The following VIRMA variants were observed in gnomAD, a reference collection of about 807,000 sequenced individuals.
VIRMA encodes vir like m6A methyltransferase associated, also known as protein virilizer homolog.
Under a neutral mutation model 182.4 loss-of-function variants are expected in VIRMA, and 65 were observed. The observed-to-expected ratio is 0.36, with a 90% CI of 0.29 to 0.44. The LOEUF (loss-of-function observed/expected upper bound fraction) is 0.44. VIRMA is among the 20% of genes least tolerant of loss of function. VIRMA has a pLI of 1.00. For missense variants in VIRMA, 1,752 were observed against 2,158.1 expected (o/e 0.81, Z 3.73); for synonymous variants, 709 against 743.1 (o/e 0.95, Z 0.75).
intron 10 of VIRMA, among the ~76,000 whole-genome samples, chr8:94,516,652 A>G (rs936994659): frequency 1.1e-4 from 16 of 152,202 alleles, no homozygotes; most frequent in African/African-American, 3.9e-4. Flanking sequence ...GCTCAAAGAT[A>G]TAAGAAATAA....
Position 94,506,617 on chromosome 8 carries a change from C to A in VIRMA, c.3980G>T (p.Cys1327Phe). The A allele has an allele frequency of 6.2e-7, 1 of 1,613,674 alleles. No individual in the cohort carries two copies. Among genetic ancestry groups the A allele is most frequent in the South Asian group, 1.1e-5 (1 of 91,078 alleles). The change falls in exon 16 of 24, where the codon TGT (cysteine) becomes TTT (phenylalanine). Residue 1327 changes from cysteine to phenylalanine, a missense_variant. By Grantham distance (205) the Cys-to-Phe change is radical. Coordinates refer to ENST00000297591, the MANE Select transcript of VIRMA (RefSeq NM_015496.5). ...LPNKELMTSI[C>F]DCLLATLANS... Reference sequence around the variant, plus strand: ...AGCTAGCGTAGCCAACAGACAGTCACAGATTGAGGTCATCAATTCTTTATT... The same window carrying A: ...AGCTAGCGTAGCCAACAGACAGTCAAAGATTGAGGTCATCAATTCTTTATT...
At chr8:94,510,923 G>A in intron 13 of VIRMA, 1 of 1,231,206 alleles carries the variant, frequency 8.1e-7, no homozygotes, top group South Asian at 1.8e-5. Flanking sequence ...TGGGGGAAAG[G>A]ATTTAAAATA....
In VIRMA at chr8:94,514,862, C is replaced by T. The variant is rs1814507560; in HGVS notation, c.2751+7G>A. The stretch of plus-strand genomic sequence containing the variant: ...AAAGTCAAAGCACTTTTAAGTTTTA[C>T]ACTTACCTGCTTAACATACTCAATT... On this transcript the variant is annotated splice_region_variant and intron_variant, in intron 11 of 23. Coordinates refer to ENST00000297591, the MANE Select transcript of VIRMA (RefSeq NM_015496.5). The T allele has an allele frequency of 3.3e-6, 5 of 1,506,750 alleles. No individual in the cohort carries two copies. The allele number at this position is 1,506,750 out of a possible 1,614,324, so 93.3% of individuals were successfully genotyped here.
At chr8:94,506,780 T>C (rs777701581) in intron 15 of VIRMA, 63 bp from the exon 16 acceptor site, 1 of 988,858 alleles carries the variant, frequency 1.0e-6, no homozygotes, top group Non-Finnish European at 1.6e-6. Context: ...CTTAGCACTT[T>C]TGAGAAATAC....
At chr8:94,524,727 T>C (rs1814899556) in intron 8 of VIRMA, among the ~76,000 whole-genome samples, 2 of 152,208 alleles carry the variant, frequency 1.3e-5, no homozygotes, top group South Asian at 2.1e-4. Flanking sequence ...TTCAAATCCT[T>C]ACTGGCCAGT....
At chr8:94,544,517 C>T (rs1008131769) in intron 1 of VIRMA, among the ~76,000 whole-genome samples, 17 of 151,676 alleles carry the variant, frequency 1.1e-4, no homozygotes, top group Non-Finnish European at 2.4e-4. Flanking sequence ...AAAAATTAGC[C>T]GGGTGCAGTG....
intron 1 of VIRMA, among the ~76,000 whole-genome samples, chr8:94,547,942 G>T (rs1397143370): frequency 7.0e-6 from 1 of 143,846 alleles, no homozygotes; most frequent in Non-Finnish European, 1.6e-5. Flanking sequence ...TACTCAGGAG[G>T]CTGAGGCAGG....
rs768686928 is a variant in VIRMA at position 94,490,068 on chromosome 8, G to A, written c.5155C>T (p.Arg1719Trp). 8 of 1,610,432 alleles carry A rather than the reference G, an allele frequency of 5.0e-6. No homozygotes were observed. The highest frequency in any genetic ancestry group is 2.2e-5 in the East Asian group (1 of 44,858). The part of the protein sequence containing the change: ...PPASKGNYSR[R>W]EGTRGSSWSA... ...CAACTGGAGCCTCTTGTTCCTTCCC[G>A]ACGACTGTAGTTTCCTAAACACAAA... The change falls in exon 23 of 24, where the codon CGG becomes TGG. Residue 1719 changes from arginine (R) to tryptophan (W), a missense_variant. By Grantham distance (101) the Arg-to-Trp change is moderately radical. Around this residue, in one of 11 missense-constraint regions of VIRMA, gnomAD observed 132 missense variants for 173.8 expected, o/e 0.76. Transcript: ENST00000297591.
Position 94,526,431 on chromosome 8 carries a change from C to T in VIRMA, c.1813G>A (p.Val605Met), listed in dbSNP as rs765960367. ...AGATCCATATCCATAGAAGCTTCCACCTCATTTTCATATTCTGGGTTTGTT... is the reference window on the plus strand; with the variant it reads ...AGATCCATATCCATAGAAGCTTCCATCTCATTTTCATATTCTGGGTTTGTT... ...ERTNPEYENE[V>M]EASMDMDLLE... Residue 605 changes from valine (V) to methionine (M), a missense_variant, in exon 8 of 24, where the codon GTG becomes ATG. Physicochemically the swap from Val to Met is conservative, Grantham distance 21. Around this residue, in one of 11 missense-constraint regions of VIRMA, gnomAD observed 401 missense variants for 455.1 expected, o/e 0.88. Coordinates refer to ENST00000297591, the MANE Select transcript of VIRMA (RefSeq NM_015496.5). 1 of 1,613,898 alleles carries T rather than the reference C, an allele frequency of 6.2e-7. No individual in the cohort carries two copies. The highest frequency in any genetic ancestry group is 1.1e-5 in the South Asian group (1 of 91,042).
chr8:94,539,226 C>T (rs142146769), intron 2 of VIRMA, among the ~76,000 whole-genome samples: 1 of 152,222 alleles, frequency 6.6e-6, no homozygotes, highest in East Asian at 1.9e-4. Flanking sequence ...CAGGGATTAG[C>T]TAACTTCAAG....
intron 15 of VIRMA, among the ~76,000 whole-genome samples, chr8:94,507,971 A>G (rs1238602447): frequency 7.1e-6 from 1 of 141,700 alleles, no homozygotes; most frequent in Admixed American, 6.9e-5. Context: ...ACATATGTGT[A>G]TATATGTATA....
chr8:94,543,903 C>A lies in VIRMA; in HGVS notation c.103G>T (p.Val35Phe). The stretch of plus-strand genomic sequence containing the variant: ...ATGACTCGGACTTCATTGATATAAA[C>A]CACACATGGAAAACGAACCACATCT... The part of the protein sequence containing the change: ...HIDVVRFPCV[V>F]YINEVRVIPP... Residue 35 changes from valine to phenylalanine, a missense_variant, in exon 2 of 24, where the codon GTT (valine) becomes TTT (phenylalanine). Val to Phe is a conservative substitution (Grantham distance 50, BLOSUM62 -1). Coordinates refer to ENST00000297591, the MANE Select transcript of VIRMA (RefSeq NM_015496.5). The A allele has an allele frequency of 6.2e-7, 1 of 1,613,054 alleles. No homozygotes were observed. The highest frequency in any genetic ancestry group is 8.5e-7 in the Non-Finnish European group (1 of 1,179,386).
At chr8:94,544,797 T>C (rs1020451876) in intron 1 of VIRMA, among the ~76,000 whole-genome samples, 6 of 152,310 alleles carry the variant, frequency 3.9e-5, no homozygotes, top group Admixed American at 1.3e-4. Flanking sequence ...TTTGAGTTTC[T>C]GAATTATAGA....
At chr8:94,537,899 T>C (rs1222335387) in intron 3 of VIRMA, among the ~76,000 whole-genome samples, 4 of 152,172 alleles carry the variant, frequency 2.6e-5, no homozygotes, top group Non-Finnish European at 5.9e-5. Context: ...TGCACAGTAG[T>C]GTGATATGAA....
chr8:94,514,930 G>A lies in VIRMA; in HGVS notation c.2690C>T (p.Pro897Leu). 1 of 1,572,534 alleles carries A rather than the reference G, an allele frequency of 6.4e-7. No individual in the cohort carries two copies. The highest frequency in any genetic ancestry group is 8.7e-7 in the Non-Finnish European group (1 of 1,153,816). ...KLQELGKWLEPLKNLRFEINC... is the reference protein window; with the variant it reads ...KLQELGKWLELLKNLRFEINC... ...AATTTCAAATCTAAGGTTTTTCAGA[G>A]GTTCAAGCCACTTGCCAAGTTCTTA... Residue 897 changes from proline to leucine, a missense_variant, in exon 11 of 24, where the codon CCT becomes CTT. Coordinates refer to ENST00000297591, the MANE Select transcript of VIRMA (RefSeq NM_015496.5).
chr8:94,501,718 A>G (rs1204712637), intron 16 of VIRMA, among the ~76,000 whole-genome samples: 1 of 152,062 alleles, frequency 6.6e-6, no homozygotes. Context: ...AGCATTTTGG[A>G]AGGCAGAGAC....
In VIRMA at chr8:94,539,085, T is replaced by TG. The variant is rs1815449645; in HGVS notation, c.180-740_180-739insC. Among the ~76,000 whole-genome samples, 10 of 151,418 alleles carry TG rather than the reference T, an allele frequency of 6.6e-5. No homozygotes were observed. In the South Asian group the frequency reaches 1.7e-3, roughly 25 times the overall value. ...CTGGGCTAATTTTTTTTTTTTTTTT[T>TG]AAGTAGAGACAAGTTATCACTATGT... On this transcript the variant is annotated intron_variant, in intron 2 of 23. Coordinates refer to ENST00000297591, the MANE Select transcript of VIRMA (RefSeq NM_015496.5).
chr8:94,549,618 T>G (rs75138791), intron 1 of VIRMA, among the ~76,000 whole-genome samples: 1 of 152,202 alleles, frequency 6.6e-6, no homozygotes, highest in African/African-American at 2.4e-5. Context: ...TACTCGAAAT[T>G]TGTACATATC....
At position 94,526,410 on chromosome 8, in the gene VIRMA, C is replaced by A. The variant is rs1326754073; in HGVS notation, c.1834G>T (p.Asp612Tyr). The A allele has an allele frequency of 6.2e-7, 1 of 1,613,950 alleles. No individual in the cohort carries two copies. Among genetic ancestry groups the A allele is most frequent in the East Asian group, 2.2e-5 (1 of 44,870 alleles). ...ENEVEASMDMDLLESSNISEG... is the reference protein window; with the variant it reads ...ENEVEASMDMYLLESSNISEG... The stretch of plus-strand genomic sequence containing the variant: ...CTTATATTTGAGGATTCCAAAAGAT[C>A]CATATCCATAGAAGCTTCCACCTCA... The change falls in exon 8 of 24, where the codon GAT (aspartate) becomes TAT (tyrosine). Residue 612 changes from aspartate to tyrosine, a missense_variant. By Grantham distance (160) the Asp-to-Tyr change is radical (BLOSUM62 -3). Transcript: ENST00000297591.
Sources: allele counts gnomAD v4.1 joint callset (sites outside exome capture counted in the v4.1 genomes callset), GRCh38; gene constraint gnomAD v4.1.1; regional missense constraint gnomAD v4.1.1; transcripts MANE v1.5; gene names NCBI Gene and HGNC (gene_info 2026-07-23, HGNC 2026-07-21).